The following SCEL variants were observed in gnomAD, a reference collection of about 807,000 sequenced individuals.
SCEL encodes the protein sciellin.
Under a neutral mutation model 117.6 loss-of-function variants are expected in SCEL, and 113 were observed. That is an observed-to-expected ratio of 0.96 (90% CI 0.83 to 1.12). The LOEUF (loss-of-function observed/expected upper bound fraction) is 1.12. SCEL is among the 50% of genes most tolerant of loss of function. The probability of loss-of-function intolerance (pLI) is 0.00; values close to 1 mark genes in which losing one functional copy is unlikely to be tolerated. For synonymous variants in SCEL, 270 were observed against 256.2 expected, an observed-to-expected ratio of 1.05 and a Z score of -0.51; for missense variants, 785 against 810.8, an observed-to-expected ratio of 0.97 and a Z score of 0.39.
intron 7 of SCEL, among the ~76,000 whole-genome samples, chr13:77,568,892 A>T (rs995136237): frequency 2.6e-5 from 4 of 152,200 alleles, no homozygotes; most frequent in African/African-American, 9.7e-5. Context: ...ACTGGATCAC[A>T]CCTCTCAGTG....
At chr13:77,588,966 A>G (rs771262145) in intron 9 of SCEL, among the ~76,000 whole-genome samples, 178 bp from the exon 10 acceptor site, 70 of 152,354 alleles carry the variant, frequency 4.6e-4, no homozygotes, top group Non-Finnish European at 8.5e-4. Context: ...CATATTTTCA[A>G]TATTTGACTT....
At chr13:77,553,351 A>G (rs11149069) in intron 1 of SCEL, among the ~76,000 whole-genome samples, 67,450 of 152,104 alleles carry the variant, frequency 0.44, 16,866 homozygotes, top group Non-Finnish European at 0.55. Flanking sequence ...CTGCAGATGT[A>G]TCATTAATTA....
chr13:77,642,919 G>C, intron 32 of SCEL, 111 bp downstream of exon 32: 1 of 543,986 alleles, frequency 1.8e-6, no homozygotes, highest in South Asian at 3.5e-5. Context: ...GTTATATTTA[G>C]TTAATAATTC....
intron 28 of SCEL, among the ~76,000 whole-genome samples, chr13:77,633,439 C>T (rs2090121501): frequency 2.2e-5 from 1 of 45,356 alleles, no homozygotes; most frequent in South Asian, 1.0e-3. Context: ...CGAGACTCCG[C>T]CTCAAAAAAA....
chr13:77,562,098 C>T (rs1397392612), intron 4 of SCEL, among the ~76,000 whole-genome samples: 1 of 152,160 alleles, frequency 6.6e-6, no homozygotes, highest in Non-Finnish European at 1.5e-5. Flanking sequence ...TAGGAGGCCT[C>T]CTGTGCATCA....
chr13:77,584,907 A>T (rs907280227), intron 9 of SCEL, among the ~76,000 whole-genome samples: 1 of 152,240 alleles, frequency 6.6e-6, no homozygotes, highest in Admixed American at 6.5e-5. Context: ...AGAATCTGCC[A>T]CTAAGCCAGG....
chr13:77,562,711 C>A (rs908436733), intron 4 of SCEL, among the ~76,000 whole-genome samples: 2 of 152,170 alleles, frequency 1.3e-5, no homozygotes, highest in East Asian at 1.9e-4. Flanking sequence ...CCTTATATTT[C>A]TCAGTACAAC....
chr13:77,645,061 T>C lies in SCEL; in HGVS notation c.*787T>C, dbSNP rs2090726146. On this transcript the variant is annotated 3_prime_UTR_variant, in exon 33 of 33. Coordinates refer to ENST00000349847, the MANE Select transcript of SCEL (RefSeq NM_144777.3). ...ACAGATTGATGGGTAACAGGTAAAA[T>C]ATGACATGTATAGCTTACATGTTAT... The C allele has an allele frequency of 6.7e-6, 1 of 149,028 alleles. No individual in the cohort carries two copies. Among genetic ancestry groups the C allele is most frequent in the East Asian group, 2.1e-4 (1 of 4,848 alleles). The allele number at this position is 149,028 out of a possible 1,614,324, so 9.2% of individuals were successfully genotyped here.
intron 16 of SCEL, 188 bp downstream of exon 16, chr13:77,602,312 G>A (rs2087768648): frequency 5.8e-6 from 3 of 517,686 alleles, no homozygotes; most frequent in East Asian, 3.1e-5. Context: ...GAGTTACATT[G>A]AAGTAGGTGC....
rs147198569 is a variant in SCEL at position 77,596,202 on chromosome 13, G to T, written c.753-1343G>T. ...ACAAAAATTAGCTGGGCATGGTGGT[G>T]CACACCTTTAGTCCCAGCTACTTGG... On this transcript the variant is annotated intron_variant, in intron 12 of 32. Coordinates refer to ENST00000349847, the MANE Select transcript of SCEL (RefSeq NM_144777.3). 7.4e-3 allele frequency among the ~76,000 whole-genome samples: 1,127 copies of T among 152,074 alleles called. 9 individuals are homozygous for T. The highest frequency in any genetic ancestry group is 0.013 in the Non-Finnish European group (887 of 67,990).
At chr13:77,610,760 T>C (rs1383393092) in intron 22 of SCEL, among the ~76,000 whole-genome samples, 2 of 152,180 alleles carry the variant, frequency 1.3e-5, no homozygotes, top group Non-Finnish European at 2.9e-5. Flanking sequence ...TCTTCCTCCT[T>C]CTTCTTCCAT....
At chr13:77,550,026 G>C (rs1029641824) in intron 1 of SCEL, among the ~76,000 whole-genome samples, 1 of 141,480 alleles carries the variant, frequency 7.1e-6, no homozygotes, top group Admixed American at 7.1e-5. Flanking sequence ...TTTTTTTTTA[G>C]TTGAGATATA....
In SCEL at chr13:77,618,059, C is replaced by G; in HGVS notation, c.1627C>G (p.Arg543Gly). Residue 543 changes from arginine (R) to glycine (G), a missense_variant and splice_region_variant, in exon 27 of 33, where the codon CGA (arginine) becomes GGA (glycine). By Grantham distance (125) the Arg-to-Gly change is moderately radical (BLOSUM62 -2). Coordinates refer to ENST00000349847, the MANE Select transcript of SCEL (RefSeq NM_144777.3). Reference sequence around the variant, plus strand: ...ACCTTCAGCTCTTAGAAACACTAATCGGTAAATGACCTTGACTATCTTGAC... The same window carrying G: ...ACCTTCAGCTCTTAGAAACACTAATGGGTAAATGACCTTGACTATCTTGAC... ...VKPSALRNTN[R>G]DQNLENLIEV... The G allele has an allele frequency of 2.5e-6, 4 of 1,609,518 alleles. No individual in the cohort carries two copies. Among genetic ancestry groups the G allele is most frequent in the Admixed American group, 1.7e-5 (1 of 59,974 alleles).
intron 28 of SCEL, among the ~76,000 whole-genome samples, chr13:77,631,394 A>G (rs941074135): frequency 6.6e-6 from 1 of 152,266 alleles, no homozygotes; most frequent in African/African-American, 2.4e-5. Flanking sequence ...CCAAAGAGAC[A>G]TGATGGATAT....
At chr13:77,551,310 G>A (rs1013222095) in intron 1 of SCEL, among the ~76,000 whole-genome samples, 3 of 152,162 alleles carry the variant, frequency 2.0e-5, no homozygotes, top group East Asian at 1.9e-4. Flanking sequence ...CAATTGCCCT[G>A]TGCAATAGAC....
chr13:77,635,544 T>C (rs2090237339), intron 29 of SCEL, among the ~76,000 whole-genome samples: 2 of 152,310 alleles, frequency 1.3e-5, no homozygotes, highest in South Asian at 4.2e-4. Context: ...AAGAAATTTC[T>C]TATGGGAACT....
At chr13:77,574,589 A>G (rs143005360) in intron 9 of SCEL, among the ~76,000 whole-genome samples, 93 of 152,340 alleles carry the variant, frequency 6.1e-4, no homozygotes, top group African/African-American at 2.1e-3. Flanking sequence ...AAGAGCTCAA[A>G]GTACAGCTTC....
chr13:77,643,238 C>T (rs1360128303), intron 32 of SCEL, among the ~76,000 whole-genome samples: 1 of 151,996 alleles, frequency 6.6e-6, no homozygotes. Flanking sequence ...TTAGTTAATT[C>T]TATGTAGTTT....
intron 19 of SCEL, among the ~76,000 whole-genome samples, chr13:77,606,070 G>A (rs2088150389): frequency 6.6e-6 from 1 of 152,182 alleles, no homozygotes; most frequent in African/African-American, 2.4e-5. Flanking sequence ...ATGCTTATGT[G>A]TGTATGCATG....
Sources: gnomAD v4.1 joint callset for allele counts (sites outside exome capture counted in the v4.1 genomes callset) on GRCh38, gnomAD v4.1.1 for gene constraint, MANE v1.5 for transcripts, NCBI Gene and HGNC (gene_info 2026-07-23, HGNC 2026-07-21) for gene names.